Variants in ADGRB3 observed in about 807,000 individuals in gnomAD.
The protein encoded by ADGRB3 is adhesion G protein-coupled receptor B3.
A neutral mutation model predicts 193.4 loss-of-function variants in ADGRB3; 37 were observed. The observed-to-expected ratio is 0.19, with a 90% confidence interval of 0.15 to 0.25. ADGRB3 has a LOEUF of 0.25. ADGRB3 is among the 10% of genes least tolerant of loss of function. The probability of loss-of-function intolerance (pLI) is 1.00; values close to 1 mark genes in which losing one functional copy is unlikely to be tolerated. For synonymous variants in ADGRB3, 690 were observed against 644.2 expected, an observed-to-expected ratio of 1.07 and a Z score of -1.08; for missense variants, 1,637 against 1,852.9, an observed-to-expected ratio of 0.88 and a Z score of 2.14.
chr6:68,706,864 C>A (rs1412689608), intron 3 of ADGRB3, among the ~76,000 whole-genome samples: 2 of 152,104 alleles, frequency 1.3e-5, no homozygotes, highest in Non-Finnish European at 2.9e-5. Flanking sequence ...ATAATCCCAG[C>A]ACTTTGGGAG....
intron 3 of ADGRB3, among the ~76,000 whole-genome samples, chr6:68,885,701 A>C (rs1206398893): frequency 6.6e-6 from 1 of 152,188 alleles, no homozygotes; most frequent in African/African-American, 2.4e-5. Flanking sequence ...ATATTGATCA[A>C]AGATACAAAA....
chr6:69,200,283 C>T (rs994199463), intron 17 of ADGRB3, among the ~76,000 whole-genome samples: 3 of 151,880 alleles, frequency 2.0e-5, no homozygotes, highest in Non-Finnish European at 2.9e-5. Context: ...GTAGGGATAA[C>T]TTGAAAAAAA....
chr6:69,354,986 A>C (rs1205637826), intron 27 of ADGRB3, among the ~76,000 whole-genome samples: 2 of 152,220 alleles, frequency 1.3e-5, no homozygotes, highest in Non-Finnish European at 2.9e-5. Flanking sequence ...TTACTTTTAC[A>C]GTATATTCAA....
chr6:69,220,558 G>A (rs1024127616), intron 17 of ADGRB3, among the ~76,000 whole-genome samples: 4 of 152,070 alleles, frequency 2.6e-5, no homozygotes, highest in African/African-American at 9.7e-5. Context: ...ACTGTGGCCT[G>A]TATGATCTAT....
intron 3 of ADGRB3, among the ~76,000 whole-genome samples, chr6:68,872,589 T>C (rs950403982): frequency 3.9e-5 from 6 of 152,180 alleles, no homozygotes; most frequent in Non-Finnish European, 7.4e-5. Context: ...CAGGATTTAA[T>C]GTTTGTATGC....
At chr6:68,683,534 C>T (rs1764932808) in intron 3 of ADGRB3, among the ~76,000 whole-genome samples, 1 of 152,012 alleles carries the variant, frequency 6.6e-6, no homozygotes. Context: ...GTAATATTTT[C>T]CCTTTACATG....
At chr6:68,827,588 A>G (rs574486593) in intron 3 of ADGRB3, among the ~76,000 whole-genome samples, 1 of 152,122 alleles carries the variant, frequency 6.6e-6, no homozygotes, top group East Asian at 1.9e-4. Context: ...CTAATGTGTT[A>G]TAAGTGGAGG....
intron 3 of ADGRB3, among the ~76,000 whole-genome samples, chr6:68,675,823 G>C (rs1343302951): frequency 6.6e-6 from 1 of 152,164 alleles, no homozygotes; most frequent in African/African-American, 2.4e-5. Flanking sequence ...CGAAGCTTCA[G>C]ACAGGGTCTT....
chr6:68,913,852 G>A (rs1415466875), intron 3 of ADGRB3, among the ~76,000 whole-genome samples: 1 of 152,052 alleles, frequency 6.6e-6, no homozygotes, highest in Non-Finnish European at 1.5e-5. Flanking sequence ...GCTTAAAGGA[G>A]CTGATGGAGC....
chr6:69,352,212 C>T (rs1365566072), intron 26 of ADGRB3, among the ~76,000 whole-genome samples: 1 of 152,142 alleles, frequency 6.6e-6, no homozygotes, highest in African/African-American at 2.4e-5. Flanking sequence ...TAATGTCTCT[C>T]TTTAGAACAT....
At chr6:69,222,420 G>A (rs548255062) in intron 17 of ADGRB3, among the ~76,000 whole-genome samples, 79 of 152,276 alleles carry the variant, frequency 5.2e-4, no homozygotes, top group African/African-American at 1.8e-3. Flanking sequence ...TTTTATAAAT[G>A]AGCACACTGG....
At chr6:69,235,167 A>T in intron 19 of ADGRB3, 32 bp downstream of exon 19, 2 of 1,456,372 alleles carry the variant, frequency 1.4e-6, no homozygotes, top group South Asian at 1.2e-5. Flanking sequence ...CTGAAATGCA[A>T]TGCTTAGTTG....
At chr6:68,707,110 CAAA>C (rs11349240) in intron 3 of ADGRB3, among the ~76,000 whole-genome samples, 22 of 90,510 alleles carry the variant, frequency 2.4e-4, no homozygotes, top group Admixed American at 2.3e-4. Context: ...GACTCCATCT[CAAA>C]AAAAAAAAAA....
intron 3 of ADGRB3, among the ~76,000 whole-genome samples, chr6:68,664,925 CTT>C (rs1768761943): frequency 6.6e-6 from 1 of 151,776 alleles, no homozygotes; most frequent in East Asian, 1.9e-4. Context: ...AGAGTTTAGT[CTT>C]ATACACATTC....
intron 20 of ADGRB3, among the ~76,000 whole-genome samples, chr6:69,244,358 T>C (rs1470392765): frequency 6.6e-6 from 1 of 152,072 alleles, no homozygotes; most frequent in Non-Finnish European, 1.5e-5. Flanking sequence ...TTTTTTTGTT[T>C]TGTCAGAATT....
chr6:69,137,056 C>CTTTTTTTTTTTTT (rs71548125), intron 17 of ADGRB3, among the ~76,000 whole-genome samples: 7 of 80,106 alleles, frequency 8.7e-5, no homozygotes, highest in Non-Finnish European at 1.2e-4. Context: ...TCTTTTCTTT[C>CTTTTTTTTTTTTT]TTTTTTTTTT....
chr6:69,028,103 C>T (rs890001939), intron 13 of ADGRB3, among the ~76,000 whole-genome samples: 5 of 152,276 alleles, frequency 3.3e-5, no homozygotes, highest in Middle Eastern at 6.8e-3. Flanking sequence ...TGTCATCATC[C>T]CACCATACAA....
At chr6:69,261,808 A>G (rs1766934773) in intron 20 of ADGRB3, among the ~76,000 whole-genome samples, 1 of 152,066 alleles carries the variant, frequency 6.6e-6, no homozygotes, top group Non-Finnish European at 1.5e-5. Context: ...TATGGTAGAT[A>G]CCGAAATATG....
chr6:69,180,561 C>G (rs1314172006), intron 17 of ADGRB3, among the ~76,000 whole-genome samples: 1 of 152,114 alleles, frequency 6.6e-6, no homozygotes, highest in Non-Finnish European at 1.5e-5. Context: ...TAGAGAGAGC[C>G]CTGCTCCATC....
Sources: allele counts gnomAD v4.1 joint callset (sites outside exome capture counted in the v4.1 genomes callset), GRCh38; gene constraint gnomAD v4.1.1; transcripts MANE v1.5; gene names NCBI Gene and HGNC (gene_info 2026-07-23, HGNC 2026-07-21).